HIRA: variants seen among roughly 807,000 people sequenced by gnomAD.
HIRA encodes the protein protein HIRA.
Under a neutral mutation model 126.6 loss-of-function variants are expected in HIRA, and 13 were observed. That is an observed-to-expected ratio of 0.10 (90% CI 0.07 to 0.16). HIRA has a LOEUF of 0.16. Ranked by LOEUF, HIRA falls within the 10% of genes least tolerant of loss-of-function variation. The pLI, the probability that HIRA is intolerant of heterozygous loss-of-function variation, is 1.00. For synonymous variants in HIRA, 511 were observed against 520.0 expected, an observed-to-expected ratio of 0.98 and a Z score of 0.24; for missense variants, 834 against 1,314.4, an observed-to-expected ratio of 0.63 and a Z score of 5.65.
At chr22:19,353,952 A>G in intron 22 of HIRA, 44 bp downstream of exon 22, 1 of 1,603,622 alleles carries the variant, frequency 6.2e-7, no homozygotes, top group Non-Finnish European at 8.5e-7. Context: ...GCACTTCCCC[A>G]GGGCAGGACT....
intron 24 of HIRA, among the ~76,000 whole-genome samples, chr22:19,335,959 C>T (rs781870729): frequency 6.6e-6 from 1 of 152,156 alleles, no homozygotes; most frequent in Non-Finnish European, 1.5e-5. Context: ...ACTTTCTCAT[C>T]GTTTGTCCAG....
At chr22:19,389,924 C>A (rs2089162448) in intron 9 of HIRA, among the ~76,000 whole-genome samples, 1 of 150,606 alleles carries the variant, frequency 6.6e-6, no homozygotes, top group Non-Finnish European at 1.5e-5. Context: ...CTAATAAATG[C>A]AGCCAGAGGA....
At chr22:19,379,535 G>GA (rs1171268508) in intron 13 of HIRA, among the ~76,000 whole-genome samples, 1 of 149,904 alleles carries the variant, frequency 6.7e-6, no homozygotes, top group Non-Finnish European at 1.5e-5. Flanking sequence ...TGAGGCAGGA[G>GA]AATCTCTTGA....
At chr22:19,362,560 A>G (rs1273394555) in intron 15 of HIRA, among the ~76,000 whole-genome samples, 8 of 151,960 alleles carry the variant, frequency 5.3e-5, no homozygotes, top group African/African-American at 1.9e-4. Flanking sequence ...TTTTTATTTT[A>G]TTATCATTTT....
At chr22:19,418,590 C>G (rs2089418273) in intron 1 of HIRA, among the ~76,000 whole-genome samples, 1 of 88,256 alleles carries the variant, frequency 1.1e-5, no homozygotes. Flanking sequence ...CGAGATCGCG[C>G]CTGTTCCAGC....
intron 1 of HIRA, among the ~76,000 whole-genome samples, chr22:19,425,297 T>C (rs1019451522): frequency 6.6e-6 from 1 of 152,268 alleles, no homozygotes; most frequent in African/African-American, 2.4e-5. Flanking sequence ...GGCAGGATGA[T>C]AAAATGTGCT....
chr22:19,357,475 G>A (rs1252353493), intron 18 of HIRA, among the ~76,000 whole-genome samples: 1 of 152,208 alleles, frequency 6.6e-6, no homozygotes, highest in Non-Finnish European at 1.5e-5. Flanking sequence ...AGAGAAGTAT[G>A]GGGATGACAG....
chr22:19,385,411 A>C lies in HIRA; in HGVS notation c.1329+110T>G, dbSNP rs546085599. 165 of 1,058,670 alleles carry C rather than the reference A, an allele frequency of 1.6e-4. No individual in the cohort carries two copies. The African/African-American group carries it at 1.8e-3, about 12-fold the overall frequency. The allele number at this position is 1,058,670 out of a possible 1,614,324, so 65.6% of individuals were successfully genotyped here. A position where few individuals can be genotyped will look rare whatever the true frequency, so the allele number is the denominator to read the frequency against. On this transcript the variant is annotated intron_variant, in intron 12 of 24. Transcript: ENST00000263208. ...AGGCCCGAGGCTGGCTAACCCACAG[A>C]TCCCGTACCACTCTAAACAAACCCC...
chr22:19,375,581 C>A, intron 15 of HIRA, 50 bp downstream of exon 15: 16 of 1,596,122 alleles, frequency 1.0e-5, no homozygotes, highest in Non-Finnish European at 1.3e-5. Flanking sequence ...TGCTGTTGAC[C>A]CATGCCTGCA....
In HIRA at chr22:19,387,714, C is replaced by A; in HGVS notation, c.1110G>T (p.Glu370Asp). ...AGCACAAGAGCCGTCAGCCTACCTT[C>A]TCCTCCTCGCTCAGGGGATCGCCAA... is the stretch of plus-strand genomic sequence containing the variant. ...DELGDPLSEEEKSRIHQSTYG... is the reference protein window; with the variant it reads ...DELGDPLSEEDKSRIHQSTYG... The change falls in exon 11 of 25, where the codon GAG (glutamate) becomes GAT (aspartate). Residue 370 changes from glutamate (E) to aspartate (D), a missense_variant. Transcript: ENST00000263208. 1 of 1,613,450 alleles carries A rather than the reference C, an allele frequency of 6.2e-7. No homozygotes were observed. Among genetic ancestry groups the A allele is most frequent in the Non-Finnish European group, 8.5e-7 (1 of 1,179,654 alleles).
intron 21 of HIRA, among the ~76,000 whole-genome samples, chr22:19,354,451 C>T (rs2088790605): frequency 6.6e-6 from 1 of 152,220 alleles, no homozygotes; most frequent in South Asian, 2.1e-4. Flanking sequence ...TCAGCTCAAA[C>T]ACTGCCATGG....
At chr22:19,413,595 CTATTTATTTATT>C (rs376817979) in intron 1 of HIRA, among the ~76,000 whole-genome samples, 39 of 143,768 alleles carry the variant, frequency 2.7e-4, no homozygotes, top group African/African-American at 5.4e-4. Flanking sequence ...GGGAATGAAA[CTATTTATTTATT>C]TATTTATTTA....
At chr22:19,379,034 C>CTT (rs530908549) in intron 13 of HIRA, among the ~76,000 whole-genome samples, 19 of 145,294 alleles carry the variant, frequency 1.3e-4, no homozygotes, top group African/African-American at 3.5e-4. Context: ...TTTTCTTTTT[C>CTT]TTTTTTTTTT....
At chr22:19,378,685 T>C (rs2089041982) in intron 13 of HIRA, among the ~76,000 whole-genome samples, 1 of 152,282 alleles carries the variant, frequency 6.6e-6, no homozygotes, top group Non-Finnish European at 1.5e-5. Context: ...ATGGGGTTGC[T>C]GTCAGGACTA....
At chr22:19,375,830 C>T (rs764448265) in intron 14 of HIRA, 38 bp from the exon 15 acceptor site, 4 of 1,607,712 alleles carry the variant, frequency 2.5e-6, no homozygotes, top group Non-Finnish European at 1.7e-6. Context: ...CAAGCGCAAT[C>T]CTGAAAGGAT....
chr22:19,349,027 G>A (rs547665408), intron 24 of HIRA, among the ~76,000 whole-genome samples: 38 of 149,698 alleles, frequency 2.5e-4, no homozygotes, highest in Non-Finnish European at 3.7e-4. Context: ...CAGGTGATCC[G>A]CCCATCTTGG....
intron 9 of HIRA, among the ~76,000 whole-genome samples, chr22:19,390,601 CAAAAAAAAAAAAAA>C (rs575050947): frequency 5.2e-5 from 2 of 38,342 alleles, no homozygotes; most frequent in African/African-American, 8.7e-5. Context: ...GACTCTGTCT[CAAAAAAAAAAAAAA>C]AAAAAAAAAA....
At chr22:19,410,910 C>G in intron 1 of HIRA, 132 bp from the exon 2 acceptor site, 6 of 760,040 alleles carry the variant, frequency 7.9e-6, no homozygotes, top group Non-Finnish European at 1.3e-5. Context: ...GAAAGTCCAA[C>G]AGTGGGAGAA....
chr22:19,372,958 G>A (rs981911134), intron 15 of HIRA, among the ~76,000 whole-genome samples: 15 of 152,082 alleles, frequency 9.9e-5, no homozygotes, highest in African/African-American at 3.4e-4. Flanking sequence ...CTTCTGTCTC[G>A]GGCTTCCAAA....
Sources: allele counts gnomAD v4.1 joint callset (sites outside exome capture counted in the v4.1 genomes callset), GRCh38; gene constraint gnomAD v4.1.1; transcripts MANE v1.5; gene names NCBI Gene and HGNC (gene_info 2026-07-23, HGNC 2026-07-21).